IL3RA: variants seen among roughly 807,000 people sequenced by gnomAD.
The protein encoded by IL3RA is interleukin 3 receptor subunit alpha, also known as interleukin-3 receptor subunit alpha.
A neutral mutation model predicts 52.3 loss-of-function variants in IL3RA; 73 were observed. The ratio of observed to expected loss-of-function variants is 1.40; its 90% CI spans 1.16 to 1.70. The LOEUF (loss-of-function observed/expected upper bound fraction) is 1.70, where lower values mean the gene tolerates loss of function less well. Ranked by LOEUF, IL3RA falls within the 40% of genes most tolerant of loss-of-function variation. IL3RA has a pLI of 0.00. For synonymous variants in IL3RA, 260 were observed against 194.0 expected (o/e 1.34, Z -2.83); for missense variants, 664 against 504.4 (o/e 1.32, Z -3.03).
chrX:1,361,111 CTCTCTG>C (rs2087286621), intron 8 of IL3RA, among the ~76,000 whole-genome samples: 1 of 77,978 alleles, frequency 1.3e-5, no homozygotes, highest in Admixed American at 1.3e-4. Context: ...CTCCCTTCCC[CTCTCTG>C]TCTCTCTCTC....
At chrX:1,360,429 CCTCT>C (rs36157072) in intron 8 of IL3RA, among the ~76,000 whole-genome samples, 18 of 150,746 alleles carry the variant, frequency 1.2e-4, no homozygotes, top group South Asian at 2.1e-4. Flanking sequence ...TTTCATTCTC[CCTCT>C]CTTTCTCTAT....
chrX:1,340,365 C>T (rs2085445630), intron 1 of IL3RA, among the ~76,000 whole-genome samples: 1 of 152,174 alleles, frequency 6.6e-6, no homozygotes, highest in Admixed American at 6.6e-5. Flanking sequence ...ATCTGCCCAC[C>T]TCTGCTTCCC....
At chrX:1,349,524 C>T (rs1291820818) in intron 4 of IL3RA, among the ~76,000 whole-genome samples, 1 of 151,960 alleles carries the variant, frequency 6.6e-6, no homozygotes, top group Non-Finnish European at 1.5e-5. Context: ...GTTACCTGAG[C>T]TGGTCTCAAA....
intron 8 of IL3RA, among the ~76,000 whole-genome samples, chrX:1,364,394 G>A (rs1456913466): frequency 1.3e-5 from 2 of 152,052 alleles, no homozygotes; most frequent in African/African-American, 4.8e-5. Context: ...GGGAGGCTGA[G>A]GCAGGAGAAT....
At position 1,381,048 on chromosome X, in the gene IL3RA, C is replaced by A. The variant is rs777289508; in HGVS notation, c.1006C>A (p.Pro336Thr). The A allele has an allele frequency of 3.1e-6, 5 of 1,613,884 alleles. 1 individual carries two copies. The highest frequency in any genetic ancestry group is 4.2e-6 in the Non-Finnish European group (5 of 1,179,834). ...RRYLVMQRLF[P>T]RIPHMKDPIG... ...GTATCTGGTGATGCAGAGACTCTTTCCCCGCATCCCTCACATGAAAGACCC... is the reference window on the plus strand; with the variant it reads ...GTATCTGGTGATGCAGAGACTCTTTACCCGCATCCCTCACATGAAAGACCC... The change falls in exon 11 of 12, where the codon CCC becomes ACC. Residue 336 changes from proline to threonine, a missense_variant. Physicochemically the swap from Pro to Thr is conservative, Grantham distance 38. Transcript: ENST00000331035.
chrX:1,352,593 C>A, intron 6 of IL3RA, 87 bp downstream of exon 6: 1 of 1,356,526 alleles, frequency 7.4e-7, no homozygotes, highest in Non-Finnish European at 1.0e-6. Context: ...GACCACGTGG[C>A]TCCCAACGCA....
intron 2 of IL3RA, among the ~76,000 whole-genome samples, chrX:1,343,713 G>A (rs1162559744): frequency 6.7e-6 from 1 of 148,578 alleles, no homozygotes; most frequent in African/African-American, 2.5e-5. Flanking sequence ...TCTTTGTACA[G>A]GTCATTTATG....
chrX:1,378,607 G>C, intron 9 of IL3RA, 52 bp from the exon 10 acceptor site: 1 of 1,490,932 alleles, frequency 6.7e-7, no homozygotes, highest in Non-Finnish European at 9.3e-7. Context: ...TACAGTCCCT[G>C]GTCCCCCCAG....
At chrX:1,343,015 C>T (rs1185692128) in intron 2 of IL3RA, among the ~76,000 whole-genome samples, 2 of 151,660 alleles carry the variant, frequency 1.3e-5, no homozygotes, top group South Asian at 2.1e-4. Context: ...GAGGAGGTTG[C>T]AGTGAGCCTA....
In IL3RA at chrX:1,382,476, C is replaced by T; in HGVS notation, c.*11C>T. Reference sequence around the variant, plus strand: ...GTGCAGAAAACTTGAGACTGGGGTTCAGGGCTTGTGGGGGTCTGCCTCAAT... The same window carrying T: ...GTGCAGAAAACTTGAGACTGGGGTTTAGGGCTTGTGGGGGTCTGCCTCAAT... On this transcript the variant is annotated 3_prime_UTR_variant, in exon 12 of 12. Coordinates refer to ENST00000331035, the MANE Select transcript of IL3RA (RefSeq NM_002183.4). 4 of 1,613,252 alleles carry T rather than the reference C, an allele frequency of 2.5e-6. No individual in the cohort carries two copies. The highest frequency in any genetic ancestry group is 3.4e-6 in the Non-Finnish European group (4 of 1,179,310).
At chrX:1,361,748 G>C (rs1393095473) in intron 8 of IL3RA, among the ~76,000 whole-genome samples, 5 of 101,430 alleles carry the variant, frequency 4.9e-5, no homozygotes, top group Non-Finnish European at 9.3e-5. Context: ...GTGAGACTCC[G>C]TCTCGAGAAA....
intron 6 of IL3RA, among the ~76,000 whole-genome samples, chrX:1,353,876 T>C (rs185072176): frequency 1.7e-5 from 2 of 117,654 alleles, no homozygotes; most frequent in Admixed American, 9.3e-5. Flanking sequence ...GGTCATAGGA[T>C]CCCCTATCAT....
At chrX:1,356,866 T>C (rs1405702551) in intron 7 of IL3RA, among the ~76,000 whole-genome samples, 3 of 151,972 alleles carry the variant, frequency 2.0e-5, no homozygotes, top group African/African-American at 7.3e-5. Flanking sequence ...TTTCTTGAAC[T>C]TTCTTTTTTC....
chrX:1,347,400 G>C (rs866864194), intron 3 of IL3RA, among the ~76,000 whole-genome samples: 7 of 151,472 alleles, frequency 4.6e-5, no homozygotes, highest in African/African-American at 1.5e-4. Context: ...AGCCGAGATC[G>C]CGCCACTGCA....
At chrX:1,348,101 C>G (rs2085848418) in intron 3 of IL3RA, among the ~76,000 whole-genome samples, 1 of 149,188 alleles carries the variant, frequency 6.7e-6, no homozygotes, top group Non-Finnish European at 1.5e-5. Context: ...AATCCCAGCA[C>G]TTTGGGAGGC....
At position 1,356,232 on chromosome X, in the gene IL3RA, C is replaced by A. The variant is rs753519463; in HGVS notation, c.628C>A (p.Pro210Thr). ...VVFSQIEILT[P>T]PNMTAKCNKT... Reference sequence around the variant, plus strand: ...TTTCTCGTTGCTAGAGATATTAACTCCACCCAACATGACTGCAAAGTGTAA... The same window carrying A: ...TTTCTCGTTGCTAGAGATATTAACTACACCCAACATGACTGCAAAGTGTAA... Residue 210 changes from proline (P) to threonine (T), a missense_variant, in exon 7 of 12, where the codon CCA (proline) becomes ACA (threonine). Transcript: ENST00000331035. The A allele has an allele frequency of 2.5e-6, 4 of 1,606,726 alleles. No homozygotes were observed. Among genetic ancestry groups the A allele is most frequent in the African/African-American group, 1.3e-5 (1 of 74,690 alleles).
chrX:1,365,763 C>G (rs867524930), intron 9 of IL3RA, among the ~76,000 whole-genome samples: 32 of 3,076 alleles, frequency 0.01, no homozygotes, highest in African/African-American at 0.05. Flanking sequence ...CGGGGTGAGC[C>G]GGGTGCGCGG....
At chrX:1,352,838 C>A (rs2086179679) in intron 6 of IL3RA, among the ~76,000 whole-genome samples, 1 of 151,712 alleles carries the variant, frequency 6.6e-6, no homozygotes, top group Non-Finnish European at 1.5e-5. Context: ...TCATGGGACC[C>A]CCCATCATGG....
chrX:1,340,844 C>A (rs192030503), intron 1 of IL3RA, among the ~76,000 whole-genome samples: 1 of 151,942 alleles, frequency 6.6e-6, no homozygotes, highest in Admixed American at 6.6e-5. Flanking sequence ...GGGCTGGACG[C>A]GGTGGCTGAC....
Sources: allele counts gnomAD v4.1 joint callset (sites outside exome capture counted in the v4.1 genomes callset), GRCh38; gene constraint gnomAD v4.1.1; transcripts MANE v1.5; gene names NCBI Gene and HGNC (gene_info 2026-07-23, HGNC 2026-07-21).